The following TNFSF4 variants were observed in gnomAD, a reference collection of about 807,000 sequenced individuals.
The protein encoded by TNFSF4 is TNF superfamily member 4, also known as tumor necrosis factor ligand superfamily member 4.
In TNFSF4, 4 loss-of-function variants were observed where a neutral mutation model predicts 7.3. The ratio of observed to expected loss-of-function variants is 0.55; its 90% confidence interval spans 0.27 to 1.25. The LOEUF is 1.25. Among genes scored for constraint, TNFSF4 ranks in the 50% most tolerant of loss-of-function variants. The pLI, the probability that TNFSF4 is intolerant of heterozygous loss-of-function variation, is 0.12. For synonymous variants in TNFSF4, 76 were observed against 83.7 expected, an observed-to-expected ratio of 0.91 and a Z score of 0.50; for missense variants, 181 against 208.8, an observed-to-expected ratio of 0.87 and a Z score of 0.82.
chr1:173,435,402 G>A, the TNFSF4 span, among the ~76,000 whole-genome samples: 1 of 152,156 alleles, frequency 6.6e-6, no homozygotes, highest in African/African-American at 2.4e-5. Flanking sequence ...TTGGTGTAAG[G>A]ATGTAACTGA....
chr1:173,442,551 G>GTTTTTTT, the TNFSF4 span, among the ~76,000 whole-genome samples: 4 of 119,408 alleles, frequency 3.3e-5, no homozygotes, highest in African/African-American at 1.1e-4. Context: ...TTTTGTTTTT[G>GTTTTTTT]TTTTTTTTTT....
At chr1:173,395,037 T>TGATA in the TNFSF4 span, among the ~76,000 whole-genome samples, 8,704 of 93,456 alleles carry the variant, frequency 0.093, 603 homozygotes, top group African/African-American at 0.13. Flanking sequence ...GATAGATAGA[T>TGATA]GATAGATAGA....
chr1:173,275,936 T>C, the TNFSF4 span, among the ~76,000 whole-genome samples: 1 of 152,128 alleles, frequency 6.6e-6, no homozygotes, highest in Non-Finnish European at 1.5e-5. Context: ...CCCAATAGTG[T>C]GGTTGGTATG....
chr1:173,204,209 T>G (rs1650077491), intron 1 of TNFSF4, among the ~76,000 whole-genome samples: 1 of 152,184 alleles, frequency 6.6e-6, no homozygotes, highest in Non-Finnish European at 1.5e-5. Context: ...AATCCTTATA[T>G]CCATTCTATG....
chr1:173,421,204 C>T, the TNFSF4 span, among the ~76,000 whole-genome samples: 48 of 152,194 alleles, frequency 3.2e-4, no homozygotes, highest in African/African-American at 1.0e-3. Context: ...GTCCCACGCA[C>T]CATTAGGGAC....
chr1:173,320,806 CAAT>C, the TNFSF4 span, among the ~76,000 whole-genome samples: 2 of 152,094 alleles, frequency 1.3e-5, no homozygotes. Context: ...AACTACAAAT[CAAT>C]GCTCAAGGAA....
At chr1:173,364,379 G>GTATATATA in the TNFSF4 span, among the ~76,000 whole-genome samples, 1,752 of 109,052 alleles carry the variant, frequency 0.016, 30 homozygotes, top group East Asian at 0.078. Flanking sequence ...TGGGGTGTAT[G>GTATATATA]TGTATATATA....
the TNFSF4 span, among the ~76,000 whole-genome samples, chr1:173,321,521 T>G: frequency 6.6e-6 from 1 of 151,988 alleles, no homozygotes; most frequent in East Asian, 1.9e-4. Context: ...CAAAAGAAAC[T>G]ATCATCAGAA....
the TNFSF4 span, among the ~76,000 whole-genome samples, chr1:173,299,212 T>C: frequency 8.5e-4 from 130 of 152,060 alleles, 1 homozygote; most frequent in African/African-American, 3.0e-3. Flanking sequence ...CACACTCCTT[T>C]TCCCCACTGC....
chr1:173,406,622 C>G, the TNFSF4 span, among the ~76,000 whole-genome samples: 2 of 152,188 alleles, frequency 1.3e-5, no homozygotes, highest in Non-Finnish European at 2.9e-5. Context: ...ATTATACTCA[C>G]TATTTCTTCA....
chr1:173,370,958 G>A, the TNFSF4 span, among the ~76,000 whole-genome samples: 3 of 152,126 alleles, frequency 2.0e-5, no homozygotes, highest in Admixed American at 6.5e-5. Flanking sequence ...CCTCATCCAC[G>A]TCCCCTATGC....
At chr1:173,309,056 CTT>C in the TNFSF4 span, among the ~76,000 whole-genome samples, 1 of 151,898 alleles carries the variant, frequency 6.6e-6, no homozygotes, top group Non-Finnish European at 1.5e-5. Flanking sequence ...GCTAGAAGAT[CTT>C]ATGGGGTGGG....
chr1:173,429,783 C>T, the TNFSF4 span, among the ~76,000 whole-genome samples: 1 of 152,218 alleles, frequency 6.6e-6, no homozygotes, highest in Non-Finnish European at 1.5e-5. Flanking sequence ...TAATCCCCCT[C>T]ATATATCCTT....
the TNFSF4 span, among the ~76,000 whole-genome samples, chr1:173,394,524 G>A: frequency 6.6e-6 from 1 of 152,180 alleles, no homozygotes; most frequent in Non-Finnish European, 1.5e-5. Flanking sequence ...TTATAGATGA[G>A]ATTAGCGTTT....
chr1:173,370,354 C>A, the TNFSF4 span, among the ~76,000 whole-genome samples: 1 of 152,328 alleles, frequency 6.6e-6, no homozygotes, highest in Non-Finnish European at 1.5e-5. Context: ...GGGGAGAATT[C>A]TCTGTTGTTC....
At chr1:173,327,718 G>C in the TNFSF4 span, among the ~76,000 whole-genome samples, 2 of 152,152 alleles carry the variant, frequency 1.3e-5, no homozygotes, top group Non-Finnish European at 2.9e-5. Flanking sequence ...CTTTTCAAAA[G>C]AAGACATTTA....
chr1:173,398,601 T>C, the TNFSF4 span, among the ~76,000 whole-genome samples: 2 of 151,832 alleles, frequency 1.3e-5, no homozygotes, highest in African/African-American at 4.8e-5. Flanking sequence ...AATTTTTTTG[T>C]ATTTTTAGTA....
At chr1:173,213,001 A>G in the TNFSF4 span, among the ~76,000 whole-genome samples, 1 of 152,170 alleles carries the variant, frequency 6.6e-6, no homozygotes, top group Non-Finnish European at 1.5e-5. Context: ...TGCCTGCAAT[A>G]GAGCTGAAAC....
chr1:173,449,250 A>T, the TNFSF4 span, among the ~76,000 whole-genome samples: 1 of 152,178 alleles, frequency 6.6e-6, no homozygotes, highest in African/African-American at 2.4e-5. Context: ...AGCTGATGCC[A>T]GAGCTGTTTC....
Sources: allele counts gnomAD v4.1 joint callset (sites outside exome capture counted in the v4.1 genomes callset), GRCh38; gene constraint gnomAD v4.1.1; transcripts MANE v1.5; gene names NCBI Gene and HGNC (gene_info 2026-07-23, HGNC 2026-07-21).